MMP26: variants seen among roughly 807,000 people sequenced by gnomAD.
MMP26 encodes matrix metallopeptidase 26, also known as matrix metalloproteinase-26.
MMP26 carries 33 observed loss-of-function variants against 31.0 expected under a neutral mutation model. That is an observed-to-expected ratio of 1.06 (90% confidence interval 0.81 to 1.42). The LOEUF (loss-of-function observed/expected upper bound fraction) is 1.42, where lower values mean the gene tolerates loss of function less well. Among genes scored for constraint, MMP26 ranks in the 40% most tolerant of loss-of-function variants. MMP26 has a pLI of 0.00. For missense variants in MMP26, 347 were observed against 316.1 expected, an observed-to-expected ratio of 1.10 and a Z score of -0.74; for synonymous variants, 122 against 114.9, an observed-to-expected ratio of 1.06 and a Z score of -0.40.
intron 1 of MMP26, among the ~76,000 whole-genome samples, chr11:4,766,724 C>T (rs1408062475): frequency 7.0e-6 from 1 of 142,426 alleles, no homozygotes; most frequent in Non-Finnish European, 1.5e-5. Flanking sequence ...TCCCTTCCTT[C>T]CTTCCTTTTT....
intron 2 of MMP26, among the ~76,000 whole-genome samples, chr11:4,771,006 AG>A (rs1848709326): frequency 6.6e-6 from 1 of 152,194 alleles, no homozygotes; most frequent in Non-Finnish European, 1.5e-5. Context: ...AACCTGCTAC[AG>A]TGTGGTAATG....
intron 2 of MMP26, among the ~76,000 whole-genome samples, chr11:4,928,986 G>C (rs1018444763): frequency 7.9e-5 from 12 of 152,202 alleles, no homozygotes; most frequent in African/African-American, 2.6e-4. Context: ...CAATGTATTT[G>C]ACAATGCTGG....
At chr11:4,896,193 A>C (rs1229869176) in intron 2 of MMP26, among the ~76,000 whole-genome samples, 1 of 152,172 alleles carries the variant, frequency 6.6e-6, no homozygotes, top group African/African-American at 2.4e-5. Flanking sequence ...AAGCCATATT[A>C]CAAGACAATA....
Position 4,988,260 on chromosome 11 carries a change from G to C in MMP26, c.49G>C (p.Ala17Pro). ...TACTATCTTCTTGCCCTGGTGTTTCGCCGTTCCAGTGCCCCCTGCTGCAGA... is the reference window on the plus strand; with the variant it reads ...TACTATCTTCTTGCCCTGGTGTTTCCCCGTTCCAGTGCCCCCTGCTGCAGA... The part of the protein sequence containing the change: ...RVTIFLPWCF[A>P]VPVPPAADHK... The change falls in exon 3 of 8, where the codon GCC becomes CCC. Residue 17 changes from alanine to proline, a missense_variant. By Grantham distance (27) the Ala-to-Pro change is conservative. Coordinates refer to ENST00000380390, the MANE Select transcript of MMP26 (RefSeq NM_021801.5). The C allele has an allele frequency of 6.2e-7, 1 of 1,613,994 alleles. No homozygotes were observed. Among genetic ancestry groups the C allele is most frequent in the Non-Finnish European group, 8.5e-7 (1 of 1,180,004 alleles).
intron 2 of MMP26, among the ~76,000 whole-genome samples, chr11:4,919,945 C>T (rs1195259198): frequency 1.3e-5 from 2 of 152,082 alleles, no homozygotes; most frequent in African/African-American, 4.8e-5. Flanking sequence ...CATCCAGGAG[C>T]TAATTGGAGA....
intron 2 of MMP26, among the ~76,000 whole-genome samples, chr11:4,957,575 A>T (rs1022695208): frequency 1.3e-5 from 2 of 152,184 alleles, no homozygotes. Context: ...TACAGCCTGA[A>T]AATGAGGTAT....
At position 4,915,262 on chromosome 11, in the gene MMP26, G is replaced by A. The variant is rs1313867826; in HGVS notation, c.-144-72806G>A. 4 of 1,613,896 alleles carry A rather than the reference G, an allele frequency of 2.5e-6. No individual in the cohort carries two copies. In the Admixed American group the frequency reaches 6.7e-5, roughly 27 times the overall value. On this transcript the variant is annotated intron_variant, in intron 2 of 7. Coordinates refer to ENST00000380390, the MANE Select transcript of MMP26 (RefSeq NM_021801.5). Reference sequence around the variant, plus strand: ...TGGTGAGAATGGAAACATAGTGCAAGGGGTGGCAGATAGCCACAAAGCGGT... The same window carrying A: ...TGGTGAGAATGGAAACATAGTGCAAAGGGTGGCAGATAGCCACAAAGCGGT...
intron 2 of MMP26, chr11:4,769,882 TG>T: frequency 6.2e-7 from 1 of 1,611,628 alleles, no homozygotes; most frequent in Admixed American, 1.7e-5. Flanking sequence ...ACAAGAAGGT[TG>T]GAAATTTAGA....
At chr11:4,762,251 A>C (rs1487663757) in intron 1 of MMP26, among the ~76,000 whole-genome samples, 1 of 152,194 alleles carries the variant, frequency 6.6e-6, no homozygotes, top group Non-Finnish European at 1.5e-5. Flanking sequence ...ATGAACAAAC[A>C]CAATAGAAGT....
chr11:4,854,387 CT>C (rs1850019292), intron 2 of MMP26, among the ~76,000 whole-genome samples: 1 of 152,208 alleles, frequency 6.6e-6, no homozygotes, highest in African/African-American at 2.4e-5. Flanking sequence ...TTCCAACAGT[CT>C]TAGCAAATGG....
intron 2 of MMP26, among the ~76,000 whole-genome samples, chr11:4,970,155 G>A (rs1022206765): frequency 5.9e-5 from 9 of 151,880 alleles, no homozygotes; most frequent in Admixed American, 2.0e-4. Flanking sequence ...AAAACTCACT[G>A]GTTTATATAA....
At chr11:4,848,993 G>A (rs935651168) in intron 2 of MMP26, 9 of 1,614,150 alleles carry the variant, frequency 5.6e-6, no homozygotes, top group Non-Finnish European at 7.6e-6. Flanking sequence ...CACTAAGCAA[G>A]AAGAGGAAGA....
intron 2 of MMP26, among the ~76,000 whole-genome samples, chr11:4,935,372 CTGTT>C (rs1380964389): frequency 3.9e-5 from 6 of 152,116 alleles, no homozygotes; most frequent in South Asian, 2.1e-4. Context: ...ATTTGGCTCT[CTGTT>C]TGTCTGTTGT....
At chr11:4,960,280 A>G (rs1401222276) in intron 2 of MMP26, among the ~76,000 whole-genome samples, 2 of 152,006 alleles carry the variant, frequency 1.3e-5, no homozygotes, top group Non-Finnish European at 2.9e-5. Context: ...GTACTTAACC[A>G]CTAGTATCAA....
At chr11:4,868,476 A>T (rs1850266838) in intron 2 of MMP26, among the ~76,000 whole-genome samples, 1 of 152,188 alleles carries the variant, frequency 6.6e-6, no homozygotes, top group Non-Finnish European at 1.5e-5. Context: ...CAACTGCTTC[A>T]AAGAGAATAA....
At chr11:4,970,287 G>A (rs1396176154) in intron 2 of MMP26, among the ~76,000 whole-genome samples, 1 of 152,136 alleles carries the variant, frequency 6.6e-6, no homozygotes, top group Non-Finnish European at 1.5e-5. Context: ...AGTATTTATG[G>A]GGAATTCTTA....
chr11:4,767,497 C>T (rs1021312561), intron 2 of MMP26, among the ~76,000 whole-genome samples, 156 bp downstream of exon 2: 4 of 151,916 alleles, frequency 2.6e-5, no homozygotes, highest in African/African-American at 9.7e-5. Flanking sequence ...TTGTTTCCCA[C>T]GAGGTCAAAC....
At chr11:4,795,220 G>A (rs1849089406) in intron 2 of MMP26, 1 of 152,196 alleles carries the variant, frequency 6.6e-6, no homozygotes, top group Non-Finnish European at 1.5e-5. Context: ...CACAACAACA[G>A]CTGATAAAGC....
intron 2 of MMP26, among the ~76,000 whole-genome samples, chr11:4,788,485 T>G (rs754107759): frequency 7.2e-5 from 11 of 152,090 alleles, no homozygotes; most frequent in Non-Finnish European, 1.3e-4. Context: ...TTACCAGTAA[T>G]AGCATTGCTT....
Sources: allele counts gnomAD v4.1 joint callset (sites outside exome capture counted in the v4.1 genomes callset), GRCh38; gene constraint gnomAD v4.1.1; transcripts MANE v1.5; gene names NCBI Gene and HGNC (gene_info 2026-07-23, HGNC 2026-07-21).